OSBPL6: variants seen among roughly 807,000 people sequenced by gnomAD.
The protein encoded by OSBPL6 is oxysterol-binding protein-related protein 6.
OSBPL6 carries 49 observed loss-of-function variants against 125.8 expected under a neutral mutation model. The ratio of observed to expected loss-of-function variants is 0.39; its 90% confidence interval spans 0.31 to 0.49. OSBPL6 has a LOEUF of 0.49. Among genes scored for constraint, OSBPL6 ranks in the 20% least tolerant of loss-of-function variants. The pLI, the probability that OSBPL6 is intolerant of heterozygous loss-of-function variation, is 0.88. For synonymous variants in OSBPL6, 394 were observed against 391.8 expected (o/e 1.01, Z -0.07); for missense variants, 986 against 1,135.4 (o/e 0.87, Z 1.89).
intron 3 of OSBPL6, 28 bp from the exon 4 acceptor site, chr2:178,324,149 C>G (rs1688491419): frequency 2.1e-6 from 3 of 1,414,826 alleles, no homozygotes; most frequent in Admixed American, 3.8e-5. Flanking sequence ...GTTGTCTAAC[C>G]CTGGGCTATG....
upstream of OSBPL6, chr2:178,194,369 C>G (rs1288136035): frequency 1.2e-4 from 18 of 152,144 alleles, no homozygotes; most frequent in East Asian, 2.5e-3. Flanking sequence ...AGCCGCTTGC[C>G]GCTCCACTCC....
chr2:178,296,097 T>C (rs538488630), intron 2 of OSBPL6, among the ~76,000 whole-genome samples: 65 of 152,250 alleles, frequency 4.3e-4, no homozygotes, highest in Admixed American at 2.0e-3. Context: ...TGGGGCCCAA[T>C]TGGCAACTCG....
Position 178,332,655 on chromosome 2 carries a change from G to T in OSBPL6, c.387G>T (p.Lys129Asn), listed in dbSNP as rs1419061357. 1.2e-6 allele frequency: 2 copies of T among 1,613,336 alleles called. No individual in the cohort carries two copies. Among genetic ancestry groups the T allele is most frequent in the Non-Finnish European group, 1.7e-6 (2 of 1,179,398 alleles). Residue 129 changes from lysine (K) to asparagine (N), a missense_variant, in exon 7 of 25, where the codon AAG becomes AAT. Around this residue, in one of 3 missense-constraint regions of OSBPL6, gnomAD observed 843 missense variants for 997.3 expected, o/e 0.85. Coordinates refer to ENST00000190611, the MANE Select transcript of OSBPL6 (RefSeq NM_032523.4). ...SKAPLDIQKG[K>N]VHGSIDVGLS... is the part of the protein sequence containing the mutation. ...TTTGATTTCAGATTCAGAAAGGAAA[G>T]GTCCATGGGAGCATAGATGTGGGAC...
intron 5 of OSBPL6, among the ~76,000 whole-genome samples, chr2:178,329,575 C>G (rs901743213): frequency 1.3e-5 from 2 of 151,960 alleles, no homozygotes; most frequent in Admixed American, 1.3e-4. Context: ...CACGCCACCA[C>G]GCTTGGCTAA....
chr2:178,252,455 A>G (rs2091730308), intron 1 of OSBPL6, among the ~76,000 whole-genome samples: 1 of 152,176 alleles, frequency 6.6e-6, no homozygotes, highest in African/African-American at 2.4e-5. Flanking sequence ...TGGCCCACAG[A>G]CCATATTTTG....
At position 178,396,035 on chromosome 2, in the gene OSBPL6, T is replaced by C; in HGVS notation, c.*476T>C. ...CTTCAAGTGTGTCTGTTTGATGTGG[T>C]GTGATTGTGCTGGCCTTGTCGAAAA... On this transcript the variant is annotated 3_prime_UTR_variant, in exon 25 of 25. Coordinates refer to ENST00000190611, the MANE Select transcript of OSBPL6 (RefSeq NM_032523.4). 1.1e-5 allele frequency: 3 copies of C among 276,578 alleles called. No homozygotes were observed. Among genetic ancestry groups the C allele is most frequent in the Non-Finnish European group, 1.4e-5 (2 of 138,230 alleles). 17.1% of individuals were successfully genotyped at this position (276,578 alleles called of 1,614,324 possible).
chr2:178,266,585 G>A lies in OSBPL6; in HGVS notation c.-350-18342G>A, dbSNP rs910140606. Among the ~76,000 whole-genome samples the A allele has an allele frequency of 5.9e-5, 9 of 152,138 alleles. 1 individual carries two copies. The highest frequency in any genetic ancestry group is 4.1e-4 in the South Asian group (2 of 4,822). On this transcript the variant is annotated intron_variant, in intron 1 of 24. Transcript: ENST00000190611. ...GGGAGCAGATGGTACTCAGTTGCTC[G>A]GATCCTGCAGGTCAGCAGGAACATG...
chr2:178,382,868 A>C, intron 16 of OSBPL6, 156 bp from the exon 17 acceptor site: 1 of 1,396,146 alleles, frequency 7.2e-7, no homozygotes, highest in Admixed American at 2.8e-5. Flanking sequence ...ATTTATTAGC[A>C]ACCTTGCATT....
chr2:178,383,397 G>C, intron 17 of OSBPL6, 120 bp downstream of exon 17: 1 of 1,373,480 alleles, frequency 7.3e-7, no homozygotes, highest in Non-Finnish European at 9.6e-7. Context: ...CATAGTAAAA[G>C]AGGAATTGAT....
chr2:178,289,657 C>T (rs529895469), intron 2 of OSBPL6, among the ~76,000 whole-genome samples: 1 of 152,280 alleles, frequency 6.6e-6, no homozygotes, highest in South Asian at 2.1e-4. Flanking sequence ...TTTATTTGAA[C>T]CAGATCTGAA....
At chr2:178,311,429 A>T (rs1687260362) in intron 3 of OSBPL6, among the ~76,000 whole-genome samples, 1 of 152,010 alleles carries the variant, frequency 6.6e-6, no homozygotes, top group South Asian at 2.1e-4. Flanking sequence ...CTGGCATGTT[A>T]TCTATTTGGT....
rs368947663 is a variant in OSBPL6 at position 178,388,989 on chromosome 2, A to G, written c.2157-20A>G. The G allele has an allele frequency of 4.4e-6, 7 of 1,606,970 alleles. No homozygotes were observed. In the African/African-American group the frequency reaches 8.0e-5, roughly 18 times the overall value. ...TTTGTGACCTTGGTTGTTTTTCATCAGTGTTACATTCTTCACTAGGTATGG... is the reference window on the plus strand; with the variant it reads ...TTTGTGACCTTGGTTGTTTTTCATCGGTGTTACATTCTTCACTAGGTATGG... On this transcript the variant is annotated intron_variant, in intron 20 of 24. Coordinates refer to ENST00000190611, the MANE Select transcript of OSBPL6 (RefSeq NM_032523.4).
chr2:178,327,437 G>C (rs985814279), intron 4 of OSBPL6, among the ~76,000 whole-genome samples: 2 of 152,090 alleles, frequency 1.3e-5, no homozygotes, highest in Non-Finnish European at 2.9e-5. Context: ...AAATATAGTG[G>C]ATATCTCTCT....
chr2:178,273,701 C>T (rs1053434800), intron 1 of OSBPL6, among the ~76,000 whole-genome samples: 2 of 152,164 alleles, frequency 1.3e-5, no homozygotes, highest in Admixed American at 1.3e-4. Flanking sequence ...ACTGTTTATA[C>T]AACTGCAGTA....
chr2:178,338,963 C>T (rs373007950), intron 9 of OSBPL6, 28 bp from the exon 10 acceptor site: 64 of 1,539,132 alleles, frequency 4.2e-5, no homozygotes, highest in Middle Eastern at 1.7e-4. Flanking sequence ...CCAATTTTAA[C>T]GTATTTTTAT....
At chr2:178,278,587 T>G (rs547785597) in intron 1 of OSBPL6, among the ~76,000 whole-genome samples, 1 of 152,350 alleles carries the variant, frequency 6.6e-6, no homozygotes, top group East Asian at 1.9e-4. Flanking sequence ...TGCTCTTTAC[T>G]TATTAACAAG....
intron 3 of OSBPL6, among the ~76,000 whole-genome samples, chr2:178,319,904 T>C (rs899583748): frequency 2.0e-5 from 3 of 152,230 alleles, no homozygotes; most frequent in African/African-American, 7.2e-5. Flanking sequence ...TTAGCTAAGA[T>C]AGTTAGGTGA....
At chr2:178,241,181 T>TA (rs1306764998) in intron 1 of OSBPL6, among the ~76,000 whole-genome samples, 7 of 149,086 alleles carry the variant, frequency 4.7e-5, no homozygotes, top group Non-Finnish European at 1.0e-4. Flanking sequence ...GCACAGATAT[T>TA]TTTTTTTTTT....
Position 178,391,054 on chromosome 2 carries a change from T to TG in OSBPL6, c.2302-15dup. The TG allele has an allele frequency of 1.2e-6, 2 of 1,612,396 alleles. No homozygotes were observed. The highest frequency in any genetic ancestry group is 2.7e-5 in the African/African-American group (2 of 74,972). On this transcript the variant is annotated intron_variant, in intron 21 of 24. Coordinates refer to ENST00000190611, the MANE Select transcript of OSBPL6 (RefSeq NM_032523.4). ...TATTAAAGCCATCAAATGTCACAAT[T>TG]GGGGTTTGGTTTTTCCAGGTGAATT...
Sources: allele counts gnomAD v4.1 joint callset (sites outside exome capture counted in the v4.1 genomes callset), GRCh38; gene constraint gnomAD v4.1.1; regional missense constraint gnomAD v4.1.1; transcripts MANE v1.5; gene names NCBI Gene and HGNC (gene_info 2026-07-23, HGNC 2026-07-21).